ZCCHC14: variants seen among roughly 807,000 people sequenced by gnomAD.
ZCCHC14 encodes the protein zinc finger CCHC-type containing 14.
In ZCCHC14, 16 loss-of-function variants were observed where a neutral mutation model predicts 85.0. The ratio of observed to expected loss-of-function variants is 0.19; its 90% confidence interval spans 0.13 to 0.29. ZCCHC14 has a LOEUF of 0.29. Ranked by LOEUF, ZCCHC14 falls within the 10% of genes least tolerant of loss-of-function variation. The probability of loss-of-function intolerance (pLI) is 1.00; values close to 1 mark genes in which losing one functional copy is unlikely to be tolerated. For synonymous variants in ZCCHC14, 775 were observed against 630.7 expected, an observed-to-expected ratio of 1.23 and a Z score of -3.43; for missense variants, 1,303 against 1,443.5, an observed-to-expected ratio of 0.90 and a Z score of 1.58.
intron 1 of ZCCHC14, among the ~76,000 whole-genome samples, chr16:87,484,983 A>G (rs981979512): frequency 1.3e-5 from 2 of 152,222 alleles, no homozygotes; most frequent in African/African-American, 4.8e-5. Flanking sequence ...AGCCTTACAC[A>G]GAAAGGAAAC....
At chr16:87,465,754 T>C (rs989296576) in intron 1 of ZCCHC14, among the ~76,000 whole-genome samples, 1 of 152,198 alleles carries the variant, frequency 6.6e-6, no homozygotes, top group Admixed American at 6.5e-5. Context: ...ATGATAATGC[T>C]GCTGCATGAA....
chr16:87,410,785 C>T (rs575578847), intron 12 of ZCCHC14, among the ~76,000 whole-genome samples: 36 of 152,264 alleles, frequency 2.4e-4, no homozygotes, highest in Admixed American at 6.5e-4. Flanking sequence ...AGTCAGCAGG[C>T]GTGTTTCTAA....
intron 2 of ZCCHC14, among the ~76,000 whole-genome samples, chr16:87,456,384 G>T (rs951726656): frequency 6.6e-6 from 1 of 151,794 alleles, no homozygotes; most frequent in Non-Finnish European, 1.5e-5. Flanking sequence ...TAAAAAAATA[G>T]CCGGGCGTGG....
intron 1 of ZCCHC14, among the ~76,000 whole-genome samples, chr16:87,463,108 G>A (rs994964813): frequency 6.6e-6 from 1 of 151,524 alleles, no homozygotes. Context: ...ACAGCTAGGT[G>A]CAGTGATTCA....
rs527279451 is a variant in ZCCHC14, at chr16:87,450,952, G to A, written c.694+9056C>T. Among the ~76,000 whole-genome samples, 28 of 152,242 alleles carry A rather than the reference G, an allele frequency of 1.8e-4. No individual in the cohort carries two copies. In the East Asian group the frequency reaches 3.5e-3, roughly 19 times the overall value. ...TCGCTCTTGTTGCCCAAGCTGGAGC[G>A]TAATGGCACGATCTTGCCTCACAAC... On this transcript the variant is annotated intron_variant, in intron 2 of 12. Coordinates refer to ENST00000671377, the MANE Select transcript of ZCCHC14 (RefSeq NM_015144.3).
At chr16:87,442,960 C>T (rs928954782) in intron 2 of ZCCHC14, among the ~76,000 whole-genome samples, 3 of 152,156 alleles carry the variant, frequency 2.0e-5, no homozygotes, top group African/African-American at 4.8e-5. Flanking sequence ...TGTTTGTCAG[C>T]GGGCCTGCTC....
Position 87,459,219 on chromosome 16 carries a change from A to G in ZCCHC14, c.694+789T>C, listed in dbSNP as rs376328471. On this transcript the variant is annotated intron_variant, in intron 2 of 12. Coordinates refer to ENST00000671377, the MANE Select transcript of ZCCHC14 (RefSeq NM_015144.3). ...GCGCGGAAGGCACGTGTGGCTGCTG[A>G]CAACCAACTCAGTGCAGGTGGAAAA... 3.3e-5 allele frequency among the ~76,000 whole-genome samples: 5 copies of G among 152,352 alleles called. No homozygotes were observed. The East Asian group carries it at 7.7e-4, about 24-fold the overall frequency.
chr16:87,445,946 T>G (rs1256828421), intron 2 of ZCCHC14, among the ~76,000 whole-genome samples: 3 of 152,142 alleles, frequency 2.0e-5, no homozygotes, highest in African/African-American at 7.2e-5. Flanking sequence ...TCTTCCCAAT[T>G]GATTTAAAAA....
intron 2 of ZCCHC14, among the ~76,000 whole-genome samples, chr16:87,447,932 T>G (rs143637869): frequency 6.6e-6 from 1 of 152,308 alleles, no homozygotes; most frequent in East Asian, 1.9e-4. Context: ...GATGTGCATT[T>G]CCCTGATGAC....
intron 2 of ZCCHC14, among the ~76,000 whole-genome samples, chr16:87,459,266 G>A (rs766454522): frequency 1.4e-4 from 22 of 152,154 alleles, no homozygotes; most frequent in Non-Finnish European, 3.1e-4. Context: ...CACAGAGAGC[G>A]CTTCAGGACA....
chr16:87,415,147 T>C (rs1908718325), intron 9 of ZCCHC14, 129 bp downstream of exon 9: 2 of 648,690 alleles, frequency 3.1e-6, no homozygotes, highest in South Asian at 3.9e-5. Context: ...AATAAAAGCA[T>C]GGCTAAGGAC....
chr16:87,456,007 C>G (rs1910939544), intron 2 of ZCCHC14, among the ~76,000 whole-genome samples: 1 of 152,164 alleles, frequency 6.6e-6, no homozygotes, highest in Admixed American at 6.5e-5. Context: ...TTGCAGCCCC[C>G]ACTGTAAGTT....
chr16:87,478,731 C>A (rs1322185263), intron 1 of ZCCHC14, among the ~76,000 whole-genome samples: 2 of 152,016 alleles, frequency 1.3e-5, no homozygotes, highest in Non-Finnish European at 2.9e-5. Context: ...CTCAGCCTCC[C>A]GAGTAGCTGG....
intron 1 of ZCCHC14, among the ~76,000 whole-genome samples, chr16:87,478,681 A>G (rs1454318898): frequency 6.6e-6 from 1 of 151,152 alleles, no homozygotes; most frequent in Admixed American, 6.6e-5. Context: ...ATCTTGGCTC[A>G]CTGCAACCTC....
intron 3 of ZCCHC14, among the ~76,000 whole-genome samples, chr16:87,427,333 C>A (rs9938881): frequency 0.58 from 88,747 of 152,074 alleles, 27,398 homozygotes; most frequent in South Asian, 0.72. Context: ...CTCAGGGAAG[C>A]CTCACTTGCC....
In ZCCHC14 at chr16:87,418,823, C is replaced by A. The variant is rs201027779; in HGVS notation, c.1100+24G>T. ...TTGTAAAATGCTTATCTGAACTGTG[C>A]TGGTTACATAGAAGATTTCTCACCT... On this transcript the variant is annotated intron_variant, in intron 7 of 12. Transcript: ENST00000671377. 8.6e-5 allele frequency: 138 copies of A among 1,607,632 alleles called. 1 individual carries two copies. The East Asian group carries it at 3.0e-3, about 35-fold the overall frequency.
intron 1 of ZCCHC14, among the ~76,000 whole-genome samples, chr16:87,474,771 G>A (rs1426128111): frequency 6.6e-6 from 1 of 152,212 alleles, no homozygotes; most frequent in African/African-American, 2.4e-5. Flanking sequence ...GAGAAACCCT[G>A]GAAGGGAGAG....
intron 8 of ZCCHC14, 39 bp downstream of exon 8, chr16:87,417,421 T>G (rs541502050): frequency 1.2e-4 from 190 of 1,600,278 alleles, no homozygotes; most frequent in Non-Finnish European, 1.6e-4. Context: ...GAGTAAACAA[T>G]CTAGCAATTC....
chr16:87,423,730 T>C, intron 4 of ZCCHC14, 80 bp downstream of exon 4: 1 of 1,518,524 alleles, frequency 6.6e-7, no homozygotes, highest in Non-Finnish European at 9.1e-7. Flanking sequence ...GGGAGTGGCC[T>C]CTGAAATTAC....
Sources: gnomAD v4.1 joint callset for allele counts (sites outside exome capture counted in the v4.1 genomes callset) on GRCh38, gnomAD v4.1.1 for gene constraint, MANE v1.5 for transcripts, NCBI Gene and HGNC (gene_info 2026-07-23, HGNC 2026-07-21) for gene names.